The following B3GAT2 variants were observed in gnomAD, a reference collection of about 807,000 sequenced individuals.
The protein encoded by B3GAT2 is beta-1,3-glucuronyltransferase 2.
Under a neutral mutation model 27.8 loss-of-function variants are expected in B3GAT2, and 26 were observed. The ratio of observed to expected loss-of-function variants is 0.93; its 90% CI spans 0.68 to 1.30. The LOEUF (loss-of-function observed/expected upper bound fraction) is 1.30, where lower values mean the gene tolerates loss of function less well. Among genes scored for constraint, B3GAT2 ranks in the 50% most tolerant of loss-of-function variants. The pLI is 0.00. For missense variants in B3GAT2, 458 were observed against 459.0 expected, an observed-to-expected ratio of 1.00 and a Z score of 0.02; for synonymous variants, 218 against 195.1, an observed-to-expected ratio of 1.12 and a Z score of -0.98.
At chr6:70,948,959 A>C (rs1765535584) in intron 1 of B3GAT2, among the ~76,000 whole-genome samples, 1 of 152,180 alleles carries the variant, frequency 6.6e-6, no homozygotes. Context: ...AGCAATGGGG[A>C]AAGGATTCCC....
At chr6:70,886,267 G>A (rs774529559) in intron 2 of B3GAT2, among the ~76,000 whole-genome samples, 4 of 152,174 alleles carry the variant, frequency 2.6e-5, no homozygotes, top group East Asian at 1.9e-4. Flanking sequence ...CCTAGGCCTC[G>A]GGCTCCTTAT....
At chr6:70,878,364 G>A (rs959327814) in intron 2 of B3GAT2, among the ~76,000 whole-genome samples, 1 of 152,132 alleles carries the variant, frequency 6.6e-6, no homozygotes, top group Non-Finnish European at 1.5e-5. Context: ...GATGAATGCT[G>A]TACTTTTGTA....
In B3GAT2 at chr6:70,861,961, G is replaced by T. The variant is rs771270674; in HGVS notation, c.754C>A (p.Gln252Lys). The stretch of plus-strand genomic sequence containing the variant: ...GCTTTTGGATTGGACAAAATGACTT[G>T]AAGACTTACAGCAAATCCTTTGTGA... ...IDMAGFAVSL[Q>K]VILSNPKAVF... The change falls in exon 3 of 4, where the codon CAA (glutamine) becomes AAA (lysine). Residue 252 changes from glutamine to lysine, a missense_variant. Transcript: ENST00000230053. 4 of 1,610,550 alleles carry T rather than the reference G, an allele frequency of 2.5e-6. No individual in the cohort carries two copies. The South Asian group carries it at 3.3e-5, about 13-fold the overall frequency.
rs76014470 is a variant in B3GAT2, at chr6:70,932,941, A to T, written c.591+22898T>A. ...CTCAGCCTCTCAAGTAGCTGAGGGT[A>T]CAGGCACATGCCACCACTCACAACT... On this transcript the variant is annotated intron_variant, in intron 1 of 3. Transcript: ENST00000230053. 7.7e-3 allele frequency among the ~76,000 whole-genome samples: 1,173 copies of T among 152,230 alleles called. 6 individuals are homozygous for T. Among genetic ancestry groups the T allele is most frequent in the Middle Eastern group, 0.02 (6 of 294 alleles).
intron 1 of B3GAT2, among the ~76,000 whole-genome samples, chr6:70,940,765 T>TA (rs1338961070): frequency 6.6e-6 from 1 of 152,042 alleles, no homozygotes; most frequent in Non-Finnish European, 1.5e-5. Flanking sequence ...CCACCTTTAC[T>TA]AAAAATACAA....
intron 2 of B3GAT2, among the ~76,000 whole-genome samples, chr6:70,871,762 T>C (rs2150023892): frequency 6.6e-6 from 1 of 152,026 alleles, no homozygotes; most frequent in Non-Finnish European, 1.5e-5. Flanking sequence ...TTACTCTTCT[T>C]TTTCTGTTTT....
Position 70,857,086 on chromosome 6 carries a change from A to T in B3GAT2, c.*4577T>A. 6.8e-7 allele frequency: 1 copy of T among 1,461,908 alleles called. No homozygotes were observed. Among genetic ancestry groups the T allele is most frequent in the Non-Finnish European group, 9.2e-7 (1 of 1,089,388 alleles). The allele number at this position is 1,461,908 out of a possible 1,614,324, so 90.6% of individuals were successfully genotyped here. ...CATTACTAGAAGTACATCCTTTGTA[A>T]TTATATAATAAGATCAATTATATAT... On this transcript the variant is annotated 3_prime_UTR_variant, in exon 4 of 4. Coordinates refer to ENST00000230053, the MANE Select transcript of B3GAT2 (RefSeq NM_080742.3).
intron 2 of B3GAT2, among the ~76,000 whole-genome samples, chr6:70,880,329 C>G (rs1287231302): frequency 1.3e-5 from 2 of 152,062 alleles, no homozygotes; most frequent in Non-Finnish European, 2.9e-5. Context: ...TCACAGTGAC[C>G]CCACTAGGTA....
At chr6:70,931,236 G>C (rs1009194330) in intron 1 of B3GAT2, among the ~76,000 whole-genome samples, 6 of 152,042 alleles carry the variant, frequency 3.9e-5, no homozygotes, top group African/African-American at 1.4e-4. Flanking sequence ...TAATGTAAAT[G>C]ATGAGTTAAT....
At chr6:70,930,048 A>G (rs1773034160) in intron 1 of B3GAT2, among the ~76,000 whole-genome samples, 1 of 152,164 alleles carries the variant, frequency 6.6e-6, no homozygotes, top group South Asian at 2.1e-4. Flanking sequence ...CACATCTACA[A>G]CCATCTGATC....
intron 2 of B3GAT2, among the ~76,000 whole-genome samples, chr6:70,863,006 C>T (rs1771788402): frequency 6.6e-6 from 1 of 152,188 alleles, no homozygotes; most frequent in Non-Finnish European, 1.5e-5. Flanking sequence ...CGTATTTAAT[C>T]TGTAGTTTAA....
At chr6:70,883,576 G>A (rs1376460209) in intron 2 of B3GAT2, among the ~76,000 whole-genome samples, 1 of 152,156 alleles carries the variant, frequency 6.6e-6, no homozygotes, top group Non-Finnish European at 1.5e-5. Context: ...GGAGGGGCAA[G>A]TCAGGAGTTA....
chr6:70,862,643 G>A (rs528459647), intron 2 of B3GAT2, among the ~76,000 whole-genome samples: 7 of 152,214 alleles, frequency 4.6e-5, no homozygotes, highest in Non-Finnish European at 7.4e-5. Flanking sequence ...CCAAAAATAA[G>A]TGTAAATTTT....
At chr6:70,879,024 C>A (rs1298438957) in intron 2 of B3GAT2, among the ~76,000 whole-genome samples, 2 of 152,182 alleles carry the variant, frequency 1.3e-5, no homozygotes, top group African/African-American at 4.8e-5. Context: ...CAGATTCCAA[C>A]AAACAGCTTT....
intron 2 of B3GAT2, among the ~76,000 whole-genome samples, chr6:70,874,491 G>A (rs1771982573): frequency 6.6e-6 from 1 of 152,138 alleles, no homozygotes; most frequent in Non-Finnish European, 1.5e-5. Flanking sequence ...ACTAAGAGGG[G>A]GAAGACTGAG....
At chr6:70,944,673 C>T (rs1765449171) in intron 1 of B3GAT2, among the ~76,000 whole-genome samples, 1 of 152,190 alleles carries the variant, frequency 6.6e-6, no homozygotes, top group Admixed American at 6.6e-5. Flanking sequence ...TGGCAGTAAC[C>T]TCTGCAGACT....
intron 1 of B3GAT2, among the ~76,000 whole-genome samples, chr6:70,905,213 G>T (rs1469279609): frequency 6.6e-6 from 1 of 152,136 alleles, no homozygotes; most frequent in African/African-American, 2.4e-5. Context: ...TGTGTATAGT[G>T]GTGTAATTAT....
intron 1 of B3GAT2, among the ~76,000 whole-genome samples, chr6:70,898,161 T>C (rs182878200): frequency 6.5e-4 from 99 of 152,352 alleles, no homozygotes; most frequent in Admixed American, 1.2e-3. Context: ...CCGATAGAGA[T>C]TGCATTGAAT....
Position 70,859,997 on chromosome 6 carries a change from G to GGGGAAACTGTATCTAGAAAGTAGATAAA in B3GAT2, c.*1638_*1665dup. The GGGGAAACTGTATCTAGAAAGTAGATAAA allele has an allele frequency of 2.1e-6, 1 of 480,128 alleles. No homozygotes were observed. Among genetic ancestry groups the GGGGAAACTGTATCTAGAAAGTAGATAAA allele is most frequent in the Non-Finnish European group, 3.4e-6 (1 of 292,838 alleles). The allele number at this position is 480,128 out of a possible 1,614,324, so 29.7% of individuals were successfully genotyped here. A position where few individuals can be genotyped will look rare whatever the true frequency, so the allele number is the denominator to read the frequency against. On this transcript the variant is annotated 3_prime_UTR_variant, in exon 4 of 4. Transcript: ENST00000230053. ...TTTAAGTAAGTTGTGGTTAATCTTTGGGGAAACTGTATCTAGAAAGTAGAT... is the reference window on the plus strand; with the variant it reads ...TTTAAGTAAGTTGTGGTTAATCTTTGGGGAAACTGTATCTAGAAAGTAGATAAAGGGAAACTGTATCTAGAAAGTAGAT...
Sources: gnomAD v4.1 joint callset for allele counts (sites outside exome capture counted in the v4.1 genomes callset) on GRCh38, gnomAD v4.1.1 for gene constraint, MANE v1.5 for transcripts, NCBI Gene and HGNC (gene_info 2026-07-23, HGNC 2026-07-21) for gene names.